The following GSPT1 variants were observed in gnomAD, a reference collection of about 807,000 sequenced individuals.
The protein encoded by GSPT1 is eukaryotic peptide chain release factor GTP-binding subunit ERF3A.
In GSPT1, 20 loss-of-function variants were observed where a neutral mutation model predicts 72.5. The observed-to-expected ratio is 0.28, with a 90% confidence interval of 0.19 to 0.40. The LOEUF (loss-of-function observed/expected upper bound fraction) is 0.40, where lower values mean the gene tolerates loss of function less well. Ranked by LOEUF, GSPT1 falls within the 10% of genes least tolerant of loss-of-function variation. GSPT1 has a pLI of 1.00. For synonymous variants in GSPT1, 334 were observed against 293.5 expected, an observed-to-expected ratio of 1.14 and a Z score of -1.41; for missense variants, 580 against 811.9, an observed-to-expected ratio of 0.71 and a Z score of 3.47.
intron 5 of GSPT1, among the ~76,000 whole-genome samples, 166 bp from the exon 6 acceptor site, chr16:11,891,305 T>TATTTTTATATAAAATATATTACAC (rs1258790113): frequency 1.4e-4 from 21 of 147,898 alleles, no homozygotes; most frequent in African/African-American, 3.7e-4. Flanking sequence ...ATATATAACA[T>TATTTTTATATAAAATATATTACAC]ATTTTTATAT....
intron 11 of GSPT1, among the ~76,000 whole-genome samples, chr16:11,878,632 A>T (rs1018901667): frequency 3.9e-4 from 59 of 152,218 alleles, no homozygotes; most frequent in African/African-American, 1.4e-3. Context: ...TGTAAAAATA[A>T]AATAGTTATG....
rs1357622411 is a variant in GSPT1, at chr16:11,870,153, C to T, written c.*2966G>A. On this transcript the variant is annotated 3_prime_UTR_variant, in exon 15 of 15. Coordinates refer to ENST00000434724, the MANE Select transcript of GSPT1 (RefSeq NM_002094.4). ...ATACATGGGCTTAATTACTCAGTAA[C>T]ACTTTACTATTTGTCACTTAATCTC... The T allele has an allele frequency of 2.0e-5, 3 of 151,938 alleles. No individual in the cohort carries two copies. Among genetic ancestry groups the T allele is most frequent in the African/African-American group, 7.3e-5 (3 of 41,376 alleles). The allele number at this position is 151,938 out of a possible 1,614,324, so 9.4% of individuals were successfully genotyped here.
chr16:11,889,785 C>T (rs559584998), intron 6 of GSPT1, among the ~76,000 whole-genome samples: 2 of 151,818 alleles, frequency 1.3e-5, no homozygotes, highest in East Asian at 1.9e-4. Flanking sequence ...GGATTACAGG[C>T]GTGAGACACT....
chr16:11,915,309 C>T (rs2054617755), intron 1 of GSPT1, 60 bp downstream of exon 1: 8 of 1,405,544 alleles, frequency 5.7e-6, no homozygotes, highest in African/African-American at 3.1e-5. Context: ...CGGACCGCAC[C>T]CCTACGCCAT....
At chr16:11,889,980 A>G (rs2054237985) in intron 6 of GSPT1, among the ~76,000 whole-genome samples, 1 of 133,038 alleles carries the variant, frequency 7.5e-6, no homozygotes, top group African/African-American at 2.8e-5. Flanking sequence ...TTTTTTTTTG[A>G]CATGGTGTCT....
chr16:11,885,012 G>A (rs557236448), intron 10 of GSPT1, among the ~76,000 whole-genome samples, 169 bp downstream of exon 10: 4 of 152,130 alleles, frequency 2.6e-5, no homozygotes, highest in African/African-American at 4.8e-5. Context: ...AGCTTGCAGT[G>A]AGCTGAGATC....
chr16:11,902,499 A>G (rs947594016), intron 1 of GSPT1, among the ~76,000 whole-genome samples: 3 of 151,856 alleles, frequency 2.0e-5, no homozygotes, highest in Non-Finnish European at 4.4e-5. Flanking sequence ...GTACATTACC[A>G]CAAATTTTAA....
At chr16:11,907,776 C>CA (rs1596475528) in intron 1 of GSPT1, among the ~76,000 whole-genome samples, 1 of 152,182 alleles carries the variant, frequency 6.6e-6, no homozygotes, top group East Asian at 1.9e-4. Context: ...AGAGGCTGTA[C>CA]AACTGCTAGG....
chr16:11,907,202 T>G (rs965520711), intron 1 of GSPT1, among the ~76,000 whole-genome samples: 1 of 152,154 alleles, frequency 6.6e-6, no homozygotes, highest in Non-Finnish European at 1.5e-5. Flanking sequence ...CACAGAGAAA[T>G]GCCATGGTCC....
At chr16:11,878,267 C>G (rs1002750620) in intron 11 of GSPT1, among the ~76,000 whole-genome samples, 4 of 152,138 alleles carry the variant, frequency 2.6e-5, no homozygotes, top group African/African-American at 9.7e-5. Context: ...AGGCACCCAC[C>G]ACCATGCCTG....
chr16:11,876,439 C>G (rs1454728233), intron 12 of GSPT1, among the ~76,000 whole-genome samples: 1 of 152,050 alleles, frequency 6.6e-6, no homozygotes, highest in Non-Finnish European at 1.5e-5. Context: ...TTTCAAAATA[C>G]GGCAGGCTGG....
chr16:11,884,608 A>C (rs951333456), intron 10 of GSPT1, among the ~76,000 whole-genome samples: 2 of 152,086 alleles, frequency 1.3e-5, no homozygotes, highest in African/African-American at 4.8e-5. Context: ...AAAAATACAA[A>C]AAACAATTAG....
intron 1 of GSPT1, among the ~76,000 whole-genome samples, chr16:11,909,663 G>A (rs192541993): frequency 6.6e-6 from 1 of 152,250 alleles, no homozygotes; most frequent in East Asian, 1.9e-4. Context: ...AGTGGCTCTC[G>A]CCTGTAATCC....
chr16:11,893,637 C>T (rs369203881), intron 5 of GSPT1, among the ~76,000 whole-genome samples: 2 of 152,156 alleles, frequency 1.3e-5, no homozygotes, highest in African/African-American at 2.4e-5. Context: ...GTGTTCTCCA[C>T]GTAGACATCT....
rs545300037 is a variant in GSPT1, at chr16:11,872,738, C to T, written c.*381G>A. 8 of 173,596 alleles carry T rather than the reference C, an allele frequency of 4.6e-5. No individual in the cohort carries two copies. The highest frequency in any genetic ancestry group is 2.4e-4 in the Admixed American group (4 of 16,444). 10.8% of individuals were successfully genotyped at this position (173,596 alleles called of 1,614,324 possible). On this transcript the variant is annotated 3_prime_UTR_variant, in exon 15 of 15. Transcript: ENST00000434724. ...CCTTTGTAACATGTGCACACACACT[C>T]GCACACTCAGAATGATCTGCCTGGG...
chr16:11,882,948 C>A (rs2054139502), intron 11 of GSPT1, 67 bp downstream of exon 11: 2 of 969,822 alleles, frequency 2.1e-6, no homozygotes, highest in Admixed American at 1.9e-5. Flanking sequence ...CAGAAGAAGA[C>A]CCTATCTCTT....
Position 11,884,412 on chromosome 16 carries a change from T to C in GSPT1, c.1347+769A>G, listed in dbSNP as rs374896165. Among the ~76,000 whole-genome samples the C allele has an allele frequency of 9.3e-4, 141 of 152,310 alleles. 7 individuals are homozygous for C. The South Asian group carries it at 0.029, about 31-fold the overall frequency. ...AACTTGTTGAATAAATTATGGTCTA[T>C]CTATACCACTAATATAAAGCCATTA... On this transcript the variant is annotated intron_variant, in intron 10 of 14. Transcript: ENST00000434724.
At chr16:11,901,401 C>G (rs1596471874) in intron 1 of GSPT1, among the ~76,000 whole-genome samples, 1 of 152,058 alleles carries the variant, frequency 6.6e-6, no homozygotes, top group East Asian at 1.9e-4. Flanking sequence ...AAGTTAGAAC[C>G]CTCTCAAGGA....
Position 11,877,525 on chromosome 16 carries a change from G to A in GSPT1, c.1484C>T (p.Ala495Val), listed in dbSNP as rs776744295. The change falls in exon 12 of 15, where the codon GCC (alanine) becomes GTC (valine). Residue 495 changes from alanine (A) to valine (V), a missense_variant. This residue lies in a region of GSPT1 where 120 missense variants were observed against 242.5 expected (regional missense o/e 0.49). Coordinates refer to ENST00000434724, the MANE Select transcript of GSPT1 (RefSeq NM_002094.4). The surrounding 1 kb of genome is among the most constrained non-coding windows in gnomAD (Gnocchi z 4.0). ...LSDDVETDTV[A>V]PGENLKIRLK... ...TCTGATTTTGAGGTTTTCACCTGGG[G>A]CTACGGTATCAGTCTCTACATCATC... 15 of 1,610,796 alleles carry A rather than the reference G, an allele frequency of 9.3e-6. No individual in the cohort carries two copies. Among genetic ancestry groups the A allele is most frequent in the Non-Finnish European group, 1.3e-5 (15 of 1,177,534 alleles).
Sources: allele counts gnomAD v4.1 joint callset (sites outside exome capture counted in the v4.1 genomes callset), GRCh38; gene constraint gnomAD v4.1.1; regional missense constraint gnomAD v4.1.1; non-coding constraint Gnocchi (gnomAD v3.1); transcripts MANE v1.5; gene names NCBI Gene and HGNC (gene_info 2026-07-23, HGNC 2026-07-21).